The following FABP6 variants were observed in gnomAD, a reference collection of about 807,000 sequenced individuals.
FABP6 encodes fatty acid binding protein 6.
FABP6 carries 13 observed loss-of-function variants against 14.9 expected under a neutral mutation model. The observed-to-expected ratio is 0.87, with a 90% CI of 0.57 to 1.39. FABP6 has a LOEUF of 1.39. FABP6 is among the 40% of genes most tolerant of loss of function. The pLI is 0.00. For synonymous variants in FABP6, 75 were observed against 63.6 expected (o/e 1.18, Z -0.85); for missense variants, 161 against 167.2 (o/e 0.96, Z 0.20).
intron 2 of FABP6, among the ~76,000 whole-genome samples, chr5:160,211,103 T>C (rs1438451084): frequency 6.6e-6 from 1 of 152,206 alleles, no homozygotes; most frequent in Non-Finnish European, 1.5e-5. Context: ...ATCAAACCTG[T>C]AGATGTTGGA....
chr5:160,215,699 GA>G (rs1759996566), intron 3 of FABP6, among the ~76,000 whole-genome samples: 1 of 148,008 alleles, frequency 6.8e-6, no homozygotes, highest in Non-Finnish European at 1.5e-5. Flanking sequence ...AAAAAAAAAA[GA>G]AAAAAAGAAG....
upstream of FABP6, chr5:160,229,321 G>T (rs965777884): frequency 1.2e-6 from 1 of 864,956 alleles, no homozygotes; most frequent in Non-Finnish European, 1.6e-6. Context: ...GACCCTGCTG[G>T]CAATGGGGTG....
Position 160,190,559 on chromosome 5 carries a change from C to T in FABP6, c.-59+3105C>T, listed in dbSNP as rs1234268502. Among the ~76,000 whole-genome samples, 3 of 152,116 alleles carry T rather than the reference C, an allele frequency of 2.0e-5. No individual in the cohort carries two copies. The East Asian group carries it at 5.8e-4, about 29-fold the overall frequency. ...TGTCTCAGTTTTACAGAAGAGAAAA[C>T]TGAGGCTTGAGATTAAAGTAAGGAT... On this transcript the variant is annotated intron_variant, in intron 1 of 6. Transcript: ENST00000393980.
exon 2 of FABP6, chr5:160,199,057 C>T (rs770574469): frequency 8.7e-6 from 14 of 1,608,724 alleles, no homozygotes; most frequent in South Asian, 1.1e-5. Context: ...AGACTTTGCA[C>T]CTCTGGCTCC....
intron 3 of FABP6, among the ~76,000 whole-genome samples, chr5:160,237,628 C>T (rs970700544): frequency 6.6e-6 from 1 of 152,116 alleles, no homozygotes; most frequent in African/African-American, 2.4e-5. Flanking sequence ...ACCTCTCCCC[C>T]ACCTTCCATC....
intron 2 of FABP6, among the ~76,000 whole-genome samples, chr5:160,212,863 C>T (rs1026313046): frequency 1.1e-4 from 17 of 152,076 alleles, no homozygotes; most frequent in African/African-American, 3.6e-4. Context: ...GTGATCTGCC[C>T]GCCTCGGCCT....
At chr5:160,219,605 T>C (rs1760090030) in intron 3 of FABP6, among the ~76,000 whole-genome samples, 1 of 152,142 alleles carries the variant, frequency 6.6e-6, no homozygotes, top group African/African-American at 2.4e-5. Context: ...GTCAGTCAGC[T>C]GAGTGCCAAT....
chr5:160,207,095 G>A (rs1729893411), intron 2 of FABP6, among the ~76,000 whole-genome samples: 2 of 152,216 alleles, frequency 1.3e-5, no homozygotes, highest in Admixed American at 6.5e-5. Context: ...AGAAGGAAAA[G>A]TGCAAAGGCA....
upstream of FABP6, among the ~76,000 whole-genome samples, chr5:160,227,230 A>G (rs907394068): frequency 3.3e-5 from 5 of 151,292 alleles, no homozygotes; most frequent in African/African-American, 1.2e-4. Context: ...GAAAATAAAT[A>G]TGTGCATTTA....
chr5:160,231,403 AGG>A (rs1760378062), intron 1 of FABP6, among the ~76,000 whole-genome samples: 2 of 152,274 alleles, frequency 1.3e-5, no homozygotes, highest in South Asian at 2.1e-4. Context: ...TTTCTCTGGC[AGG>A]GAGGAGGGGA....
At chr5:160,212,625 C>A (rs561633724) in intron 2 of FABP6, among the ~76,000 whole-genome samples, 1 of 151,982 alleles carries the variant, frequency 6.6e-6, no homozygotes, top group Non-Finnish European at 1.5e-5. Flanking sequence ...CCCACCACCA[C>A]GCCTGGCTAA....
chr5:160,188,606 A>C (rs912046818), intron 1 of FABP6, among the ~76,000 whole-genome samples: 8 of 152,192 alleles, frequency 5.3e-5, no homozygotes, highest in African/African-American at 1.9e-4. Flanking sequence ...AGGAGACCCC[A>C]GGCCCGGAGG....
At position 160,214,165 on chromosome 5, in the gene FABP6, T is replaced by A. The variant is rs6860572; in HGVS notation, c.135+346T>A. On this transcript the variant is annotated intron_variant, in intron 3 of 6. Coordinates refer to the FABP6 transcript ENST00000393980. ...TTTCTTTCTTTCTTTCTTTCCTTCT[T>A]CTCTCTTATAATTTTTATTACAGGG... 1.1e-3 allele frequency among the ~76,000 whole-genome samples: 163 copies of A among 149,750 alleles called. 3 individuals carry two copies. The highest frequency in any genetic ancestry group is 4.0e-3 in the African/African-American group (162 of 40,600).
intron 3 of FABP6, among the ~76,000 whole-genome samples, chr5:160,214,463 C>G (rs1759972786): frequency 6.6e-6 from 1 of 151,906 alleles, no homozygotes; most frequent in African/African-American, 2.4e-5. Flanking sequence ...CCACACCTGG[C>G]CTCAAGTGGA....
At chr5:160,199,657 C>T (rs1207461834) in intron 2 of FABP6, among the ~76,000 whole-genome samples, 1 of 152,192 alleles carries the variant, frequency 6.6e-6, no homozygotes, top group Non-Finnish European at 1.5e-5. Flanking sequence ...TGGCATCTCC[C>T]CCTGCTATCT....
At chr5:160,199,264 G>T in intron 2 of FABP6, 1 of 1,114,868 alleles carries the variant, frequency 9.0e-7, no homozygotes, top group Non-Finnish European at 1.4e-6. Context: ...CTTTCTCTGT[G>T]ATGCTAATAA....
upstream of FABP6, among the ~76,000 whole-genome samples, chr5:160,226,593 A>G (rs1361914016): frequency 6.6e-6 from 1 of 152,008 alleles, no homozygotes. Context: ...TTGGCAAGGT[A>G]TACTTTGTCA....
rs549913666 is a variant in FABP6, at chr5:160,238,638, C to T, written c.366C>T (p.Arg122=). The change falls in exon 4 of 4, where the codon CGC becomes CGT. Residue 122 remains arginine, a synonymous_variant. Transcript: ENST00000402432. ...CCATCGGAGGCGTGACCTATGAGCG[C>T]GTGAGCAAGAGACTGGCCTAAGCAG... ...VSTIGGVTYE[R]VSKRLA is the part of the protein sequence containing the mutation. 1.2e-5 allele frequency: 20 copies of T among 1,614,070 alleles called. No individual in the cohort carries two copies. The highest frequency in any genetic ancestry group is 1.2e-4 in the South Asian group (11 of 91,064).
Position 160,206,609 on chromosome 5 carries a change from C to T in FABP6, c.52-7127C>T, listed in dbSNP as rs111777406. 1.2e-3 allele frequency among the ~76,000 whole-genome samples: 186 copies of T among 152,234 alleles called. 1 individual carries two copies. The highest frequency in any genetic ancestry group is 0.012 in the South Asian group (57 of 4,826). Reference sequence around the variant, plus strand: ...ATAGTACAACAGACATAAATGCACACGGGCAGTATGCATTTCTACACAGAG... The same window carrying T: ...ATAGTACAACAGACATAAATGCACATGGGCAGTATGCATTTCTACACAGAG... On this transcript the variant is annotated intron_variant, in intron 2 of 6. Transcript: ENST00000393980.
Sources: allele counts gnomAD v4.1 joint callset (sites outside exome capture counted in the v4.1 genomes callset), GRCh38; gene constraint gnomAD v4.1.1; transcripts MANE v1.5; gene names NCBI Gene and HGNC (gene_info 2026-07-23, HGNC 2026-07-21).